The following CREB5 variants were observed in gnomAD, a reference collection of about 807,000 sequenced individuals.
CREB5 encodes cyclic AMP-responsive element-binding protein 5.
A neutral mutation model predicts 57.1 loss-of-function variants in CREB5; 19 were observed. That is an observed-to-expected ratio of 0.33 (90% CI 0.23 to 0.49). CREB5 has a LOEUF of 0.49. Ranked by LOEUF, CREB5 falls within the 20% of genes least tolerant of loss-of-function variation. The probability of loss-of-function intolerance (pLI) is 0.99; values close to 1 mark genes in which losing one functional copy is unlikely to be tolerated. For synonymous variants in CREB5, 238 were observed against 238.3 expected, an observed-to-expected ratio of 1.00 and a Z score of 0.01; for missense variants, 579 against 671.6, an observed-to-expected ratio of 0.86 and a Z score of 1.52.
At chr7:28,712,047 A>G (rs1278402643) in intron 5 of CREB5, among the ~76,000 whole-genome samples, 1 of 152,190 alleles carries the variant, frequency 6.6e-6, no homozygotes, top group Non-Finnish European at 1.5e-5. Flanking sequence ...AGAGAAGACA[A>G]GTAATTTGCC....
intron 1 of CREB5, among the ~76,000 whole-genome samples, chr7:28,391,618 T>TC: frequency 6.6e-6 from 1 of 152,346 alleles, no homozygotes; most frequent in East Asian, 1.9e-4. Flanking sequence ...TCACTTGGCA[T>TC]CCCTCAGTGT....
intron 7 of CREB5, among the ~76,000 whole-genome samples, chr7:28,789,879 GAAGA>G (rs1234159230): frequency 1.3e-5 from 2 of 152,076 alleles, no homozygotes; most frequent in African/African-American, 2.4e-5. Context: ...TGGGGTGAGA[GAAGA>G]AAGAGACTTA....
intron 7 of CREB5, among the ~76,000 whole-genome samples, chr7:28,790,428 AAGAGAGAGAGAGAGAGAGAG>A (rs370615013): frequency 1.7e-5 from 2 of 115,696 alleles, no homozygotes; most frequent in African/African-American, 3.4e-5. Flanking sequence ...GAAAGAAAGA[AAGAGAGAGAGAGAGAGAGAG>A]AGAGAGAGAG....
At chr7:28,575,007 A>C (rs564443486) in intron 5 of CREB5, among the ~76,000 whole-genome samples, 1 of 152,320 alleles carries the variant, frequency 6.6e-6, no homozygotes, top group Non-Finnish European at 1.5e-5. Context: ...ATCTTGTTTT[A>C]TGTAAAGATG....
chr7:28,530,722 G>A (rs1187222024), intron 4 of CREB5, among the ~76,000 whole-genome samples: 2 of 152,186 alleles, frequency 1.3e-5, no homozygotes, highest in Non-Finnish European at 2.9e-5. Context: ...TTTGACCACA[G>A]TTGTGATGGC....
intron 1 of CREB5, among the ~76,000 whole-genome samples, chr7:28,487,542 C>A (rs867556172): frequency 6.6e-6 from 1 of 152,164 alleles, no homozygotes; most frequent in South Asian, 2.1e-4. Flanking sequence ...CTTACTCCTG[C>A]GTACTTGGAT....
chr7:28,803,375 T>G (rs1808487016), intron 7 of CREB5, among the ~76,000 whole-genome samples: 1 of 152,194 alleles, frequency 6.6e-6, no homozygotes, highest in African/African-American at 2.4e-5. Context: ...TCAGATTAGC[T>G]CTCTACTTTT....
intron 5 of CREB5, among the ~76,000 whole-genome samples, chr7:28,687,858 C>T (rs567647620): frequency 6.6e-6 from 1 of 152,006 alleles, no homozygotes; most frequent in Non-Finnish European, 1.5e-5. Flanking sequence ...GATTCTGATG[C>T]TTGACCTTGA....
intron 1 of CREB5, among the ~76,000 whole-genome samples, chr7:28,370,367 G>A (rs928082879): frequency 6.6e-6 from 1 of 152,172 alleles, no homozygotes; most frequent in African/African-American, 2.4e-5. Flanking sequence ...CAGAGTTGCT[G>A]AGTGAAGTAA....
At position 28,308,690 on chromosome 7, in the gene CREB5, C is replaced by T. The variant is rs185085456; in HGVS notation, c.-25+9249C>T. Among the ~76,000 whole-genome samples, 512 of 152,260 alleles carry T rather than the reference C, an allele frequency of 3.4e-3. 3 individuals carry two copies. Among genetic ancestry groups the T allele is most frequent in the African/African-American group, 0.011 (458 of 41,566 alleles). On this transcript the variant is annotated intron_variant, in intron 1 of 9. Coordinates refer to the CREB5 transcript ENST00000396299. ...CGGCACAACCCCTTCACAGCCACCC[C>T]TACAAACTCCTGGTCTCATCCTTTC...
At chr7:28,654,094 G>A (rs1197485750) in intron 5 of CREB5, among the ~76,000 whole-genome samples, 1 of 152,168 alleles carries the variant, frequency 6.6e-6, no homozygotes, top group Non-Finnish European at 1.5e-5. Context: ...CACCTGTGAA[G>A]TTCCAGATAC....
intron 4 of CREB5, among the ~76,000 whole-genome samples, chr7:28,528,772 T>TA (rs34947879): frequency 0.2 from 18,572 of 92,484 alleles, 1,370 homozygotes; most frequent in African/African-American, 0.24. Flanking sequence ...TGTTTTAGGT[T>TA]AAAAAAAAAA....
At chr7:28,377,511 T>C (rs1786857487) in intron 1 of CREB5, among the ~76,000 whole-genome samples, 1 of 152,052 alleles carries the variant, frequency 6.6e-6, no homozygotes, top group African/African-American at 2.4e-5. Flanking sequence ...AGAATATAAG[T>C]CTTTACCCTC....
chr7:28,397,049 C>T (rs73088568), intron 1 of CREB5, among the ~76,000 whole-genome samples: 12 of 152,270 alleles, frequency 7.9e-5, no homozygotes, highest in Non-Finnish European at 1.6e-4. Context: ...ATAACAATGC[C>T]TAGCATTAGA....
intron 5 of CREB5, among the ~76,000 whole-genome samples, chr7:28,590,621 T>C (rs77147395): frequency 0.13 from 19,828 of 150,712 alleles, 1,673 homozygotes; most frequent in East Asian, 0.25. Flanking sequence ...GCCACATGTA[T>C]ACATGTGTAA....
chr7:28,672,091 C>A (rs1800066274), intron 5 of CREB5, among the ~76,000 whole-genome samples: 1 of 151,440 alleles, frequency 6.6e-6, no homozygotes, highest in Admixed American at 6.6e-5. Context: ...TGCAATCATC[C>A]CAAACAATTA....
chr7:28,812,618 T>C (rs993190847), intron 9 of CREB5, among the ~76,000 whole-genome samples: 1 of 152,144 alleles, frequency 6.6e-6, no homozygotes, highest in African/African-American at 2.4e-5. Flanking sequence ...CAGACTAAAT[T>C]GTTGATATTT....
chr7:28,761,198 A>G (rs1411300878), intron 7 of CREB5, among the ~76,000 whole-genome samples: 2 of 152,214 alleles, frequency 1.3e-5, no homozygotes, highest in Non-Finnish European at 2.9e-5. Context: ...CATATGCCCA[A>G]TGATCCCAAG....
intron 7 of CREB5, among the ~76,000 whole-genome samples, chr7:28,766,583 T>C (rs531455506): frequency 1.6e-4 from 25 of 152,378 alleles, no homozygotes; most frequent in Admixed American, 1.4e-3. Context: ...TACCCTGGAA[T>C]GTGCAGGAAA....
Sources: allele counts gnomAD v4.1 joint callset (sites outside exome capture counted in the v4.1 genomes callset), GRCh38; gene constraint gnomAD v4.1.1; transcripts MANE v1.5; gene names NCBI Gene and HGNC (gene_info 2026-07-23, HGNC 2026-07-21).